The following SLC14A2 variants were observed in gnomAD, a reference collection of about 807,000 sequenced individuals.
SLC14A2 encodes the protein solute carrier family 14 member 2.
Under a neutral mutation model 104.6 loss-of-function variants are expected in SLC14A2, and 91 were observed. The ratio of observed to expected loss-of-function variants is 0.87; its 90% CI spans 0.73 to 1.04. SLC14A2 has a LOEUF of 1.04. Ranked by LOEUF, SLC14A2 falls within the 50% of genes least tolerant of loss-of-function variation. The probability of loss-of-function intolerance (pLI) is 0.00; values close to 1 mark genes in which losing one functional copy is unlikely to be tolerated. For synonymous variants in SLC14A2, 476 were observed against 466.4 expected, an observed-to-expected ratio of 1.02 and a Z score of -0.27; for missense variants, 1,189 against 1,156.0, an observed-to-expected ratio of 1.03 and a Z score of -0.41.
At chr18:45,299,142 C>T (rs924914271) in intron 1 of SLC14A2, among the ~76,000 whole-genome samples, 1 of 152,210 alleles carries the variant, frequency 6.6e-6, no homozygotes, top group Non-Finnish European at 1.5e-5. Flanking sequence ...GAAGATAGCT[C>T]AGCTCCTAAT....
intron 2 of SLC14A2, among the ~76,000 whole-genome samples, chr18:45,567,146 G>T (rs1046530306): frequency 6.6e-5 from 10 of 151,860 alleles, no homozygotes; most frequent in African/African-American, 2.4e-4. Context: ...GACACAGATT[G>T]AGGGGTACCC....
At chr18:45,338,762 G>C (rs903578378) in intron 1 of SLC14A2, among the ~76,000 whole-genome samples, 8 of 149,714 alleles carry the variant, frequency 5.3e-5, no homozygotes, top group African/African-American at 2.0e-4. Context: ...CAGCAACATG[G>C]GTCCTGTCCC....
At chr18:45,334,369 A>T (rs771708530) in intron 1 of SLC14A2, among the ~76,000 whole-genome samples, 2 of 152,204 alleles carry the variant, frequency 1.3e-5, no homozygotes, top group Admixed American at 6.5e-5. Flanking sequence ...TGCAGTAGCC[A>T]CATGTTTCAG....
chr18:45,281,629 C>G (rs1487483403), intron 1 of SLC14A2, among the ~76,000 whole-genome samples: 1 of 151,866 alleles, frequency 6.6e-6, no homozygotes. Flanking sequence ...CTCTTGAGGG[C>G]TGGGGGGTGC....
intron 1 of SLC14A2, among the ~76,000 whole-genome samples, chr18:45,459,128 TCC>T (rs1466663383): frequency 6.6e-6 from 1 of 152,082 alleles, no homozygotes; most frequent in African/African-American, 2.4e-5. Context: ...ATCCAAACTC[TCC>T]CCAGCAATGG....
chr18:45,552,807 C>A (rs1364320137), intron 2 of SLC14A2, among the ~76,000 whole-genome samples: 1 of 152,090 alleles, frequency 6.6e-6, no homozygotes, highest in Non-Finnish European at 1.5e-5. Context: ...TGAGGAACAG[C>A]AGGGATCTGC....
rs540863958 is a variant in SLC14A2 at position 45,368,819 on chromosome 18, A to G, written c.-124-114414A>G. Among the ~76,000 whole-genome samples, 3 of 152,294 alleles carry G rather than the reference A, an allele frequency of 2.0e-5. No homozygotes were observed. In the South Asian group the frequency reaches 6.2e-4, roughly 32 times the overall value. ...AGAAATTGGTCCTGTTGGACACTGA[A>G]GTGTTCCGAGTAAAGTTAATAGCCA... On this transcript the variant is annotated intron_variant, in intron 1 of 20. Transcript: ENST00000586448.
chr18:45,204,224 A>G, the SLC14A2 span, among the ~76,000 whole-genome samples: 3 of 152,166 alleles, frequency 2.0e-5, no homozygotes, highest in Admixed American at 6.5e-5. Context: ...ATGAAAATCA[A>G]CCTCTTGAGG....
chr18:45,623,356 G>A (rs1409171714), intron 1 of SLC14A2, among the ~76,000 whole-genome samples: 2 of 152,194 alleles, frequency 1.3e-5, no homozygotes, highest in Non-Finnish European at 2.9e-5. Flanking sequence ...CCTGGACATC[G>A]AAGCTGCTTA....
At chr18:45,530,148 G>C (rs2043660635) in intron 2 of SLC14A2, among the ~76,000 whole-genome samples, 1 of 152,170 alleles carries the variant, frequency 6.6e-6, no homozygotes, top group South Asian at 2.1e-4. Context: ...TTCATGAAGT[G>C]TTTATTGAGT....
At chr18:45,623,020 A>C (rs2045200601) in intron 1 of SLC14A2, among the ~76,000 whole-genome samples, 1 of 152,178 alleles carries the variant, frequency 6.6e-6, no homozygotes, top group South Asian at 2.1e-4. Flanking sequence ...TTCACCATAC[A>C]AGCATGAGGG....
At chr18:45,638,280 G>A (rs1000176758) in intron 6 of SLC14A2, among the ~76,000 whole-genome samples, 9 of 151,958 alleles carry the variant, frequency 5.9e-5, no homozygotes, top group African/African-American at 2.2e-4. Context: ...CATTCCTTTC[G>A]CAAGATTATA....
chr18:45,301,116 A>T (rs2084964427), intron 1 of SLC14A2, among the ~76,000 whole-genome samples: 1 of 152,202 alleles, frequency 6.6e-6, no homozygotes, highest in African/African-American at 2.4e-5. Flanking sequence ...TCTTCTTAAC[A>T]CATTTTGCCA....
the SLC14A2 span, among the ~76,000 whole-genome samples, chr18:45,182,412 A>G: frequency 6.6e-6 from 1 of 151,954 alleles, no homozygotes; most frequent in Non-Finnish European, 1.5e-5. Flanking sequence ...AAAAGGAAAA[A>G]ATAACTGAAA....
intron 1 of SLC14A2, among the ~76,000 whole-genome samples, chr18:45,266,760 G>T (rs2084595983): frequency 6.6e-6 from 1 of 152,132 alleles, no homozygotes; most frequent in Non-Finnish European, 1.5e-5. Flanking sequence ...TACAACTGAG[G>T]ACCCATAATT....
intron 2 of SLC14A2, among the ~76,000 whole-genome samples, chr18:45,533,660 A>C (rs1390321671): frequency 2.0e-5 from 3 of 151,912 alleles, no homozygotes; most frequent in Admixed American, 2.0e-4. Context: ...CTCCTGGATT[A>C]ATTGATTTTT....
chr18:45,624,979 T>C (rs997967262), intron 2 of SLC14A2, among the ~76,000 whole-genome samples, 165 bp downstream of exon 2: 3 of 152,216 alleles, frequency 2.0e-5, no homozygotes, highest in Admixed American at 2.0e-4. Flanking sequence ...CCTTAGATAA[T>C]GTGGCTCTTC....
At chr18:45,461,448 T>C (rs958449147) in intron 1 of SLC14A2, among the ~76,000 whole-genome samples, 1 of 152,222 alleles carries the variant, frequency 6.6e-6, no homozygotes, top group Non-Finnish European at 1.5e-5. Context: ...GACCATCTTT[T>C]AGAAGCTCTA....
At chr18:45,470,189 A>G (rs2087221567) in intron 1 of SLC14A2, among the ~76,000 whole-genome samples, 1 of 152,162 alleles carries the variant, frequency 6.6e-6, no homozygotes, top group South Asian at 2.1e-4. Flanking sequence ...GCAGGTTTCA[A>G]TAAAGTTTCT....
Sources: allele counts gnomAD v4.1 joint callset (sites outside exome capture counted in the v4.1 genomes callset), GRCh38; gene constraint gnomAD v4.1.1; transcripts MANE v1.5; gene names NCBI Gene and HGNC (gene_info 2026-07-23, HGNC 2026-07-21).